Variants in SUGCT observed in about 807,000 individuals in gnomAD.
The protein encoded by SUGCT is succinyl-CoA:glutarate-CoA transferase, also known as succinyl-CoA:glutarate CoA-transferase.
In SUGCT, 41 loss-of-function variants were observed where a neutral mutation model predicts 55.0. That is an observed-to-expected ratio of 0.74 (90% CI 0.58 to 0.97). The LOEUF is 0.97. Ranked by LOEUF, SUGCT falls within the 50% of genes least tolerant of loss-of-function variation. The probability of loss-of-function intolerance (pLI) is 0.00; values close to 1 mark genes in which losing one functional copy is unlikely to be tolerated. For missense variants in SUGCT, 568 were observed against 547.8 expected (o/e 1.04, Z -0.37); for synonymous variants, 187 against 200.4 (o/e 0.93, Z 0.56).
intron 9 of SUGCT, among the ~76,000 whole-genome samples, chr7:40,377,186 CTTTCTTTCTTTCTTTTCTTTTCT>C (rs1562728468): frequency 5.2e-4 from 7 of 13,534 alleles, no homozygotes; most frequent in East Asian, 2.8e-3. Context: ...TTCTTTCTTT[CTTTCTTTCTTTCTTTTCTTTTCT>C]TTTCTTTCTT....
chr7:40,624,902 C>T (rs568565384), intron 12 of SUGCT, among the ~76,000 whole-genome samples: 3 of 152,200 alleles, frequency 2.0e-5, no homozygotes, highest in Non-Finnish European at 2.9e-5. Context: ...AAGAGTTTCT[C>T]TGTAAAAAAC....
At chr7:40,649,400 A>AT (rs1277878155) in intron 12 of SUGCT, among the ~76,000 whole-genome samples, 9 of 151,934 alleles carry the variant, frequency 5.9e-5, no homozygotes, top group African/African-American at 2.4e-5. Context: ...TGCTTTACAG[A>AT]TGGGGGGGGA....
intron 12 of SUGCT, among the ~76,000 whole-genome samples, chr7:40,707,183 G>T (rs556667154): frequency 2.0e-5 from 3 of 151,438 alleles, no homozygotes; most frequent in South Asian, 2.1e-4. Flanking sequence ...TAAATGAGGG[G>T]TATAGATTTG....
Position 40,180,964 on chromosome 7 carries a change from C to T in SUGCT, c.118C>T (p.Pro40Ser), listed in dbSNP as rs768451436. 25 of 1,609,152 alleles carry T rather than the reference C, an allele frequency of 1.6e-5. No homozygotes were observed. The South Asian group carries it at 2.8e-4, about 18-fold the overall frequency. Reference sequence around the variant, plus strand: ...TTTGCCAGATATGAACAATATAAAGCCATTGGAAGGGGTAAAAATTCTGGA... The same window carrying T: ...TTTGCCAGATATGAACAATATAAAGTCATTGGAAGGGGTAAAAATTCTGGA... ...RPQSDMNNIK[P>S]LEGVKILDLT... Residue 40 changes from proline to serine, a missense_variant, in exon 2 of 14, where the codon CCA becomes TCA. Transcript: ENST00000335693.
At chr7:40,614,497 T>C (rs1798903498) in intron 12 of SUGCT, among the ~76,000 whole-genome samples, 1 of 152,156 alleles carries the variant, frequency 6.6e-6, no homozygotes, top group Non-Finnish European at 1.5e-5. Flanking sequence ...CAGAGGACCA[T>C]GCTTTGGGAA....
rs1054818727 is a variant in SUGCT, at chr7:40,339,414, G to A, written c.816+22559G>A. 3.5e-4 allele frequency among the ~76,000 whole-genome samples: 54 copies of A among 152,124 alleles called. 1 individual carries two copies. Among genetic ancestry groups the A allele is most frequent in the Non-Finnish European group, 5.4e-4 (37 of 68,022 alleles). ...TCCACCTGGTTCGAGCTTCCTGGCC[G>A]CTTTGTTTACCTACTCAAGCCTCAG... is the stretch of plus-strand genomic sequence containing the variant. On this transcript the variant is annotated intron_variant, in intron 9 of 13. Transcript: ENST00000335693.
chr7:41,025,487 A>AG, the SUGCT span, among the ~76,000 whole-genome samples: 3 of 152,016 alleles, frequency 2.0e-5, no homozygotes, highest in Admixed American at 2.0e-4. Context: ...CTCCTGCCTC[A>AG]GCCTCCCGAG....
chr7:40,934,647 G>A, the SUGCT span, among the ~76,000 whole-genome samples: 2 of 129,728 alleles, frequency 1.5e-5, no homozygotes, highest in African/African-American at 6.0e-5. Flanking sequence ...CCTCAGCAAT[G>A]GTGGACGCCC....
At chr7:40,596,548 A>G (rs1457920589) in intron 12 of SUGCT, among the ~76,000 whole-genome samples, 1 of 152,180 alleles carries the variant, frequency 6.6e-6, no homozygotes, top group Non-Finnish European at 1.5e-5. Flanking sequence ...AGGTCCTATC[A>G]ACTACCCAAG....
chr7:40,487,466 A>G (rs1309105752), intron 11 of SUGCT, among the ~76,000 whole-genome samples: 1 of 151,536 alleles, frequency 6.6e-6, no homozygotes, highest in Non-Finnish European at 1.5e-5. Flanking sequence ...CCTGGAGAAT[A>G]TTTTACATGT....
At chr7:40,439,635 T>C (rs1788391057) in intron 9 of SUGCT, among the ~76,000 whole-genome samples, 1 of 152,122 alleles carries the variant, frequency 6.6e-6, no homozygotes, top group Non-Finnish European at 1.5e-5. Flanking sequence ...TGTCAGAACT[T>C]CTCTACTCTT....
chr7:40,149,876 G>C (rs551843477), intron 1 of SUGCT, among the ~76,000 whole-genome samples: 1 of 152,290 alleles, frequency 6.6e-6, no homozygotes, highest in East Asian at 1.9e-4. Context: ...CTGAGATCGC[G>C]CCATCGCACT....
intron 1 of SUGCT, among the ~76,000 whole-genome samples, chr7:40,169,583 C>G (rs140984053): frequency 1.6e-4 from 25 of 152,230 alleles, no homozygotes; most frequent in Non-Finnish European, 1.0e-4. Flanking sequence ...TAGACATGGA[C>G]GAAGGGGAGG....
chr7:40,663,485 ATGTGTGTG>A (rs59033010), intron 12 of SUGCT, among the ~76,000 whole-genome samples: 10 of 134,968 alleles, frequency 7.4e-5, no homozygotes, highest in African/African-American at 1.3e-4. Context: ...TTTGTGGTGT[ATGTGTGTG>A]TGTGTGTGTG....
intron 6 of SUGCT, chr7:40,217,538 C>T (rs1255554763): frequency 5.3e-6 from 2 of 377,584 alleles, no homozygotes; most frequent in Admixed American, 6.0e-5. Context: ...GTTGTCTCCA[C>T]ACCTGCTTAC....
At chr7:40,722,316 T>C (rs1017247367) in intron 12 of SUGCT, among the ~76,000 whole-genome samples, 1 of 152,188 alleles carries the variant, frequency 6.6e-6, no homozygotes, top group Non-Finnish European at 1.5e-5. Context: ...TATACTATAA[T>C]GTAGGGGAGT....
At chr7:40,466,999 C>T (rs1241589981) in intron 11 of SUGCT, among the ~76,000 whole-genome samples, 1 of 151,638 alleles carries the variant, frequency 6.6e-6, no homozygotes, top group Non-Finnish European at 1.5e-5. Context: ...GTCAGGAGAT[C>T]GAGACCATGC....
At chr7:40,435,250 AG>A (rs1800898316) in intron 9 of SUGCT, among the ~76,000 whole-genome samples, 2 of 152,198 alleles carry the variant, frequency 1.3e-5, no homozygotes, top group Admixed American at 1.3e-4. Flanking sequence ...TTCCAACTAT[AG>A]GACATACCTA....
At chr7:40,152,199 C>A (rs1171971925) in intron 1 of SUGCT, among the ~76,000 whole-genome samples, 1 of 152,164 alleles carries the variant, frequency 6.6e-6, no homozygotes, top group Non-Finnish European at 1.5e-5. Context: ...GTTAGTTTTA[C>A]AAAGGCAGTC....
Sources: gnomAD v4.1 joint callset for allele counts (sites outside exome capture counted in the v4.1 genomes callset) on GRCh38, gnomAD v4.1.1 for gene constraint, MANE v1.5 for transcripts, NCBI Gene and HGNC (gene_info 2026-07-23, HGNC 2026-07-21) for gene names.